Variants in ARSG observed in about 807,000 individuals in gnomAD.
ARSG encodes the protein arylsulfatase G.
A neutral mutation model predicts 50.5 loss-of-function variants in ARSG; 37 were observed. The ratio of observed to expected loss-of-function variants is 0.73; its 90% CI spans 0.56 to 0.96. The LOEUF is 0.96. Ranked by LOEUF, ARSG falls within the 50% of genes least tolerant of loss-of-function variation. The probability of loss-of-function intolerance (pLI) is 0.00; values close to 1 mark genes in which losing one functional copy is unlikely to be tolerated. For synonymous variants in ARSG, 225 were observed against 254.6 expected (o/e 0.88, Z 1.11); for missense variants, 629 against 675.3 (o/e 0.93, Z 0.76).
At chr17:68,272,611 C>T in intron 1 of ARSG, 1 of 1,608,734 alleles carries the variant, frequency 6.2e-7, no homozygotes. Context: ...CATCCACATT[C>T]ATACTTAGGC....
rs1600097987 is a variant in ARSG at position 68,399,985 on chromosome 17, G to A, written c.1213-1375G>A. Reference sequence around the variant, plus strand: ...GAAGGAACCTGCTATCATCATGCGCGCCCTGGGTTTGTGCAGGGATTGTCA... The same window carrying A: ...GAAGGAACCTGCTATCATCATGCGCACCCTGGGTTTGTGCAGGGATTGTCA... On this transcript the variant is annotated intron_variant, in intron 10 of 11. Transcript: ENST00000621439. This position sits in a 1 kb window ranked among gnomAD's most constrained non-coding sequence, Gnocchi z 4.6. 6.6e-6 allele frequency among the ~76,000 whole-genome samples: 1 copy of A among 152,218 alleles called. No individual in the cohort carries two copies.
intron 1 of ARSG, among the ~76,000 whole-genome samples, chr17:68,283,637 A>G (rs527292878): frequency 4.8e-4 from 73 of 152,190 alleles, no homozygotes; most frequent in African/African-American, 1.7e-3. Context: ...CCTGACCAAC[A>G]TGGAGAAACG....
the ARSG span, among the ~76,000 whole-genome samples, chr17:68,434,380 A>C: frequency 6.6e-6 from 1 of 152,200 alleles, no homozygotes; most frequent in African/African-American, 2.4e-5. Flanking sequence ...CTCGGCTTTC[A>C]GTTTTGCTGA....
chr17:68,353,422 C>A (rs902026386), intron 5 of ARSG, among the ~76,000 whole-genome samples: 68 of 152,094 alleles, frequency 4.5e-4, no homozygotes, highest in African/African-American at 1.6e-3. Context: ...CATCCTACCC[C>A]CAGGTCTGCT....
chr17:68,368,864 A>C (rs2079682156), intron 7 of ARSG, 120 bp downstream of exon 7: 1 of 1,156,004 alleles, frequency 8.7e-7, no homozygotes, highest in Non-Finnish European at 1.2e-6. Flanking sequence ...CTTGCTTTGA[A>C]CTTGTGGCCC....
chr17:68,359,332 T>G (rs1737874585), intron 6 of ARSG, among the ~76,000 whole-genome samples: 2 of 152,162 alleles, frequency 1.3e-5, no homozygotes, highest in Admixed American at 1.3e-4. Flanking sequence ...TGTGCACACT[T>G]ATTTGGAATG....
At chr17:68,273,998 C>T (rs2075428003) in intron 1 of ARSG, 1 of 1,614,192 alleles carries the variant, frequency 6.2e-7, no homozygotes, top group Non-Finnish European at 8.5e-7. Context: ...CATCCCGGTG[C>T]TGACAAGTAG....
rs142069896 is a variant in ARSG, at chr17:68,312,460, C to T, written c.218+4749C>T. The stretch of plus-strand genomic sequence containing the variant: ...CCGCTTTCAGTGTTTAGCAGGTTAG[C>T]GGGGAAATATTAGTCCCATTATTTA... On this transcript the variant is annotated intron_variant, in intron 2 of 11. Coordinates refer to ENST00000621439, the MANE Select transcript of ARSG (RefSeq NM_001267727.2). Among the ~76,000 whole-genome samples, 71 of 151,950 alleles carry T rather than the reference C, an allele frequency of 4.7e-4. No homozygotes were observed. The East Asian group carries it at 0.013, about 27-fold the overall frequency.
At chr17:68,283,981 C>T (rs1331754881) in intron 1 of ARSG, among the ~76,000 whole-genome samples, 3 of 151,478 alleles carry the variant, frequency 2.0e-5, no homozygotes, top group Admixed American at 6.6e-5. Context: ...ATCCCAGCTA[C>T]CCAGGAGGCT....
rs571189220 is a variant in ARSG, at chr17:68,389,110, A to G, written c.1091+3938A>G. On this transcript the variant is annotated intron_variant, in intron 9 of 11. Coordinates refer to ENST00000621439, the MANE Select transcript of ARSG (RefSeq NM_001267727.2). ...GCTACGAGGAGGCTGTGCTCACATC[A>G]GTGTCTTGTGGTTTAGCTGTCACCT... 3.9e-5 allele frequency among the ~76,000 whole-genome samples: 6 copies of G among 152,204 alleles called. No homozygotes were observed. The South Asian group carries it at 1.2e-3, about 32-fold the overall frequency.
chr17:68,296,362 A>G (rs1461126212), intron 1 of ARSG, among the ~76,000 whole-genome samples: 2 of 152,158 alleles, frequency 1.3e-5, no homozygotes, highest in Non-Finnish European at 2.9e-5. Flanking sequence ...GACTTTCCCT[A>G]TCTTGTCTAA....
chr17:68,307,676 T>C lies in ARSG; in HGVS notation c.183T>C (p.Thr61=). The change falls in exon 2 of 12, where the codon ACT becomes ACC. Residue 61 remains threonine, a synonymous_variant. Transcript: ENST00000621439. ...LGANWAETKD[T]ANLDKMASEG... ...CAAACTGGGCAGAAACAAAGGACAC[T>C]GCCAACCTTGATAAGATGGCTTCGG... 1 of 1,604,480 alleles carries C rather than the reference T, an allele frequency of 6.2e-7. No individual in the cohort carries two copies. The highest frequency in any genetic ancestry group is 8.5e-7 in the Non-Finnish European group (1 of 1,171,278).
intron 2 of ARSG, among the ~76,000 whole-genome samples, chr17:68,332,636 A>G (rs1030013025): frequency 4.6e-5 from 7 of 152,200 alleles, no homozygotes; most frequent in African/African-American, 1.7e-4. Flanking sequence ...AATCATCACA[A>G]TTTATGTTCA....
chr17:68,353,980 G>A (rs1403043941), intron 5 of ARSG, among the ~76,000 whole-genome samples: 1 of 150,504 alleles, frequency 6.6e-6, no homozygotes, highest in Non-Finnish European at 1.5e-5. Flanking sequence ...GGGATTACAG[G>A]CATGAGCCAC....
intron 2 of ARSG, among the ~76,000 whole-genome samples, chr17:68,311,925 C>G (rs999631862): frequency 1.3e-5 from 2 of 151,916 alleles, no homozygotes; most frequent in Non-Finnish European, 2.9e-5. Context: ...CTCAGCCTCC[C>G]AAGTAGCTGG....
At chr17:68,326,736 G>A (rs2077520423) in intron 2 of ARSG, among the ~76,000 whole-genome samples, 1 of 152,190 alleles carries the variant, frequency 6.6e-6, no homozygotes, top group African/African-American at 2.4e-5. Flanking sequence ...GAGAGAGCTT[G>A]GGGAGGAGGG....
intron 6 of ARSG, among the ~76,000 whole-genome samples, chr17:68,365,467 C>T (rs536344920): frequency 1.3e-5 from 2 of 152,278 alleles, no homozygotes; most frequent in South Asian, 4.1e-4. Flanking sequence ...AATAACAAAT[C>T]TGGAGGTTTG....
intron 2 of ARSG, among the ~76,000 whole-genome samples, chr17:68,310,484 C>A (rs1192955629): frequency 1.3e-5 from 2 of 152,124 alleles, no homozygotes; most frequent in South Asian, 2.1e-4. Context: ...TAGAAAACAG[C>A]TATTGCAGAT....
At chr17:68,436,852 G>A in the ARSG span, among the ~76,000 whole-genome samples, 65 of 152,142 alleles carry the variant, frequency 4.3e-4, no homozygotes, top group African/African-American at 1.5e-3. Context: ...CAAATAGCTG[G>A]GCATGGTGGT....
Sources: allele counts gnomAD v4.1 joint callset (sites outside exome capture counted in the v4.1 genomes callset), GRCh38; gene constraint gnomAD v4.1.1; non-coding constraint Gnocchi (gnomAD v3.1); transcripts MANE v1.5; gene names NCBI Gene and HGNC (gene_info 2026-07-23, HGNC 2026-07-21).